Variants in FAM234A observed in about 807,000 individuals in gnomAD.
The protein encoded by FAM234A is family with sequence similarity 234 member A.
A neutral mutation model predicts 49.1 loss-of-function variants in FAM234A; 42 were observed. The observed-to-expected ratio is 0.86, with a 90% CI of 0.67 to 1.11. The LOEUF (loss-of-function observed/expected upper bound fraction) is 1.11. FAM234A is among the 50% of genes least tolerant of loss of function. The pLI, the probability that FAM234A is intolerant of heterozygous loss-of-function variation, is 0.00. For missense variants in FAM234A, 815 were observed against 745.2 expected (o/e 1.09, Z -1.09); for synonymous variants, 369 against 316.2 (o/e 1.17, Z -1.77).
rs574355990 is a variant in FAM234A at position 259,299 on chromosome 16, G to A, written c.269-184G>A. On this transcript the variant is annotated intron_variant, in intron 3 of 12. Coordinates refer to ENST00000399932, the MANE Select transcript of FAM234A (RefSeq NM_032039.4). Reference sequence around the variant, plus strand: ...TTTCTGAAGGTTAACACTAGGCATTGTTGCCCACCCCCTGGTTTTCACGAA... The same window carrying A: ...TTTCTGAAGGTTAACACTAGGCATTATTGCCCACCCCCTGGTTTTCACGAA... 2.8e-4 allele frequency among the ~76,000 whole-genome samples: 42 copies of A among 152,200 alleles called. 1 individual carries two copies. The South Asian group carries it at 8.5e-3, about 31-fold the overall frequency.
At chr16:266,973 T>A (rs1596871463), downstream of FAM234A, among the ~76,000 whole-genome samples, 1 of 151,726 alleles carries the variant, frequency 6.6e-6, no homozygotes, top group South Asian at 2.1e-4. Flanking sequence ...CATGGAGGGG[T>A]GGGCAGGGCC....
rs757917953 is a variant in FAM234A at position 264,063 on chromosome 16, C to T, written c.1236C>T (p.Ala412=). 17 of 1,613,052 alleles carry T rather than the reference C, an allele frequency of 1.1e-5. No individual in the cohort carries two copies. Among genetic ancestry groups the T allele is most frequent in the Non-Finnish European group, 1.4e-5 (17 of 1,180,002 alleles). The change falls in exon 11 of 13, where the codon GCC becomes GCT. Residue 412 remains alanine, a synonymous_variant. Coordinates refer to ENST00000399932, the MANE Select transcript of FAM234A (RefSeq NM_032039.4). The part of the protein sequence containing the change: ...LGTGAVLCSL[A]LPSLPGGPLS... ...CTGGAGCCGTCCTGTGTAGCCTAGCCCTCCCGAGCCTCCCTGGGGGTCCAC... is the reference window on the plus strand; with the variant it reads ...CTGGAGCCGTCCTGTGTAGCCTAGCTCTCCCGAGCCTCCCTGGGGGTCCAC...
chr16:269,072 C>T, downstream of FAM234A: 1 of 996,986 alleles, frequency 1.0e-6, no homozygotes. Flanking sequence ...ACACCTGGAC[C>T]CATTCCTTCT....
chr16:238,285 C>G (rs1020356201), intron 1 of FAM234A, among the ~76,000 whole-genome samples: 1 of 152,014 alleles, frequency 6.6e-6, no homozygotes, highest in African/African-American at 2.4e-5. Context: ...TCCCAAAGTG[C>G]TGGAATTAGA....
At chr16:259,333 C>T (rs2051362972) in intron 3 of FAM234A, 150 bp from the exon 4 acceptor site, 2 of 637,122 alleles carry the variant, frequency 3.1e-6, no homozygotes, top group Non-Finnish European at 5.7e-6. Flanking sequence ...AAGGAAATTA[C>T]TCATCCTAGT....
At chr16:263,442 C>T (rs1389333582) in intron 9 of FAM234A, 40 bp downstream of exon 9, 1 of 1,597,392 alleles carries the variant, frequency 6.3e-7, no homozygotes, top group Non-Finnish European at 8.5e-7. Context: ...TGCTGCACCC[C>T]TTCCCGGCAT....
chr16:254,390 GT>G lies in FAM234A; in HGVS notation c.-22del. ...TGCTTTATCGACACAGTGACCAGGA[GT>G]TAAACTTTGGGATGTGCCCGTGATG... On this transcript the variant is annotated 5_prime_UTR_variant, in exon 3 of 13. Coordinates refer to ENST00000399932, the MANE Select transcript of FAM234A (RefSeq NM_032039.4). The G allele has an allele frequency of 6.2e-7, 1 of 1,612,338 alleles. No homozygotes were observed. Among genetic ancestry groups the G allele is most frequent in the Non-Finnish European group, 8.5e-7 (1 of 1,178,956 alleles).
intron 2 of FAM234A, 95 bp from the exon 3 acceptor site, chr16:254,286 A>G (rs1419563165): frequency 2.1e-6 from 2 of 952,756 alleles, no homozygotes; most frequent in East Asian, 2.4e-5. Flanking sequence ...AGCTGCAGCC[A>G]GTCCCCAAGA....
rs2051555697 is a variant in FAM234A, at chr16:263,381, C to T, written c.1091C>T (p.Pro364Leu). The T allele has an allele frequency of 6.2e-7, 1 of 1,610,896 alleles. No individual in the cohort carries two copies. Among genetic ancestry groups the T allele is most frequent in the South Asian group, 1.1e-5 (1 of 91,084 alleles). The change falls in exon 9 of 13, where the codon CCC becomes CTC. Residue 364 changes from proline (P) to leucine (L), a missense_variant. Transcript: ENST00000399932. ...DGQELTPRWTPKAAHVLRKPI... is the reference protein window; with the variant it reads ...DGQELTPRWTLKAAHVLRKPI... ...CAGGAGCTGACGCCTCGCTGGACAC[C>T]CAAGGCAGCCCATGTCCTGAGGTAC...
At chr16:245,118 A>G (rs112374228) in intron 1 of FAM234A, among the ~76,000 whole-genome samples, 22,240 of 151,988 alleles carry the variant, frequency 0.15, 1,818 homozygotes, top group East Asian at 0.3. Context: ...AGGCTGAGGC[A>G]GGCAGATCAC....
downstream of FAM234A, among the ~76,000 whole-genome samples, chr16:267,598 CGT>C (rs1189715993): frequency 7.9e-5 from 8 of 101,806 alleles, no homozygotes; most frequent in African/African-American, 4.3e-4. Flanking sequence ...ACGTGCTATG[CGT>C]ACACACCACA....
downstream of FAM234A, chr16:268,276 CGT>C (rs1277194558): frequency 4.4e-6 from 1 of 227,776 alleles, no homozygotes; most frequent in Non-Finnish European, 8.8e-6. Context: ...TCACATGCAC[CGT>C]CACACCATAA....
intron 1 of FAM234A, chr16:240,233 T>G (rs942632802): frequency 1.3e-5 from 2 of 152,228 alleles, no homozygotes; most frequent in African/African-American, 4.8e-5. Context: ...GATTGGTTAG[T>G]GATTATGGAT....
At chr16:235,879 G>A (rs1421846842) in intron 1 of FAM234A, among the ~76,000 whole-genome samples, 3 of 152,074 alleles carry the variant, frequency 2.0e-5, no homozygotes, top group African/African-American at 7.2e-5. Flanking sequence ...CTGGGCCGGC[G>A]CGGTGGCTCA....
chr16:239,811 A>C (rs1157584268), intron 1 of FAM234A, among the ~76,000 whole-genome samples: 1 of 152,062 alleles, frequency 6.6e-6, no homozygotes, highest in Non-Finnish European at 1.5e-5. Context: ...GTACTGTAAA[A>C]GTTTTTCAGT....
downstream of FAM234A, chr16:269,207 G>T: frequency 2.4e-6 from 3 of 1,244,866 alleles, no homozygotes; most frequent in Non-Finnish European, 3.4e-6. Context: ...GACGGGGGTG[G>T]CTGCTGCATT....
In FAM234A at chr16:251,715, G is replaced by A. The variant is rs537724796; in HGVS notation, c.-34+2061G>A. Among the ~76,000 whole-genome samples, 39 of 136,208 alleles carry A rather than the reference G, an allele frequency of 2.9e-4. 1 individual carries two copies. Among genetic ancestry groups the A allele is most frequent in the African/African-American group, 1.1e-3 (39 of 35,556 alleles). 89.4% of individuals were successfully genotyped at this position (136,208 alleles called of 152,430 possible). On this transcript the variant is annotated intron_variant, in intron 2 of 12. Transcript: ENST00000399932. Reference sequence around the variant, plus strand: ...TTTTTTTTTTTTTTTTTAAGAGATGGGGTCTTGGCCAGGCGTGGTGGCTCA... The same window carrying A: ...TTTTTTTTTTTTTTTTTAAGAGATGAGGTCTTGGCCAGGCGTGGTGGCTCA...
chr16:239,023 G>A (rs1324578743), intron 1 of FAM234A, among the ~76,000 whole-genome samples: 9 of 139,638 alleles, frequency 6.4e-5, no homozygotes, highest in African/African-American at 1.1e-4. Context: ...CGGAGGTTGC[G>A]GTGAGCTGAG....
intron 7 of FAM234A, 22 bp from the exon 8 acceptor site, chr16:262,402 G>A: frequency 1.3e-6 from 2 of 1,581,894 alleles, no homozygotes; most frequent in Non-Finnish European, 1.7e-6. Flanking sequence ...GGTGACCTCG[G>A]GCCCTTCTGT....
Sources: gnomAD v4.1 joint callset for allele counts (sites outside exome capture counted in the v4.1 genomes callset) on GRCh38, gnomAD v4.1.1 for gene constraint, MANE v1.5 for transcripts, NCBI Gene and HGNC (gene_info 2026-07-23, HGNC 2026-07-21) for gene names.